Variants in TTPAL observed in about 807,000 individuals in gnomAD.
TTPAL encodes the protein alpha tocopherol transfer protein like, also known as alpha-tocopherol transfer protein-like.
In TTPAL, 21 loss-of-function variants were observed where a neutral mutation model predicts 28.7. That is an observed-to-expected ratio of 0.73 (90% CI 0.52 to 1.06). TTPAL has a LOEUF of 1.06. TTPAL is among the 50% of genes least tolerant of loss of function. The pLI is 0.00. For synonymous variants in TTPAL, 169 were observed against 171.9 expected (o/e 0.98, Z 0.13); for missense variants, 345 against 425.5 (o/e 0.81, Z 1.67).
At chr20:44,481,917 C>T (rs1196306086) in intron 2 of TTPAL, among the ~76,000 whole-genome samples, 1 of 152,204 alleles carries the variant, frequency 6.6e-6, no homozygotes, top group Non-Finnish European at 1.5e-5. Context: ...TGCTGCTCCT[C>T]TGTACTCAAC....
chr20:44,484,538 C>T lies in TTPAL; in HGVS notation c.639+8C>T. ...GTGATTGGCATCCTCCAGGTAAGAC[C>T]CGTATGTGTCCTGCCTGTTTCGTGG... On this transcript the variant is annotated splice_region_variant and intron_variant, in intron 3 of 4. Transcript: ENST00000262605. 2 of 1,544,178 alleles carry T rather than the reference C, an allele frequency of 1.3e-6. No individual in the cohort carries two copies. The highest frequency in any genetic ancestry group is 1.8e-6 in the Non-Finnish European group (2 of 1,128,524).
In TTPAL at chr20:44,492,491, T is replaced by G. The variant is rs1041568120; in HGVS notation, c.*2950T>G. On this transcript the variant is annotated 3_prime_UTR_variant, in exon 5 of 5. Transcript: ENST00000262605. ...AGCTGGCTTAACATCCCTGAGTGAT[T>G]CCATGATAGAGATCTATACTCCAAA... 1.3e-5 allele frequency: 2 copies of G among 152,262 alleles called. No individual in the cohort carries two copies. The highest frequency in any genetic ancestry group is 6.6e-5 in the Admixed American group (1 of 15,266). 9.4% of individuals were successfully genotyped at this position (152,262 alleles called of 1,614,324 possible).
chr20:44,479,244 A>G (rs949885924), intron 1 of TTPAL, among the ~76,000 whole-genome samples: 11 of 152,174 alleles, frequency 7.2e-5, no homozygotes, highest in Non-Finnish European at 1.5e-4. Context: ...ATATACAAGT[A>G]TATGTCCTAG....
intron 2 of TTPAL, among the ~76,000 whole-genome samples, chr20:44,481,381 C>CA (rs1477875861): frequency 6.6e-6 from 1 of 151,828 alleles, no homozygotes. Context: ...CTTGTCTCTA[C>CA]AAAAAATTTA....
In TTPAL at chr20:44,491,435, A is replaced by T. The variant is rs1444859600; in HGVS notation, c.*1894A>T. On this transcript the variant is annotated 3_prime_UTR_variant, in exon 5 of 5. Transcript: ENST00000262605. ...GACTAACCAGTCAAGCAGACAGCTC[A>T]GTTAGGGAGAAAACAATACTCTGAA... 2.6e-5 allele frequency: 4 copies of T among 152,432 alleles called. No homozygotes were observed. In the East Asian group the frequency reaches 7.5e-4, roughly 29 times the overall value. 9.4% of individuals were successfully genotyped at this position (152,432 alleles called of 1,614,324 possible). A position where few individuals can be genotyped will look rare whatever the true frequency, so the allele number is the denominator to read the frequency against.
In TTPAL at chr20:44,492,088, G is replaced by A. The variant is rs184422374; in HGVS notation, c.*2547G>A. The A allele has an allele frequency of 4.6e-5, 7 of 152,408 alleles. No homozygotes were observed. The highest frequency in any genetic ancestry group is 3.8e-4 in the East Asian group (2 of 5,328). 9.4% of individuals were successfully genotyped at this position (152,408 alleles called of 1,614,324 possible). On this transcript the variant is annotated 3_prime_UTR_variant, in exon 5 of 5. Coordinates refer to ENST00000262605, the MANE Select transcript of TTPAL (RefSeq NM_001039199.3). ...GAGCTGCTTGCTTTGTTTTGGCTCC[G>A]AAGAGGTATCAGATAGTTTTGACAC...
chr20:44,477,390 G>A (rs981685508), intron 1 of TTPAL, among the ~76,000 whole-genome samples: 1 of 152,272 alleles, frequency 6.6e-6, no homozygotes, highest in Admixed American at 6.5e-5. Flanking sequence ...TTCAGGTGAT[G>A]AACAAGACAA....
chr20:44,487,886 A>T (rs904318046), intron 4 of TTPAL, among the ~76,000 whole-genome samples: 3 of 152,232 alleles, frequency 2.0e-5, no homozygotes, highest in Non-Finnish European at 4.4e-5. Context: ...CTCCTGCCTC[A>T]GCCTCCCCAG....
At chr20:44,484,210 G>A (rs2064131447) in intron 2 of TTPAL, 127 bp from the exon 3 acceptor site, 2 of 615,212 alleles carry the variant, frequency 3.3e-6, no homozygotes, top group Non-Finnish European at 5.2e-6. Flanking sequence ...CTAAATAAGA[G>A]TCATGGCTAC....
intron 2 of TTPAL, 99 bp from the exon 3 acceptor site, chr20:44,484,238 C>T (rs1600790397): frequency 1.2e-6 from 1 of 835,314 alleles, no homozygotes. Context: ...TCTTTCTTTT[C>T]CATTTTGAAA....
At chr20:44,484,753 T>G (rs1332036671) in intron 3 of TTPAL, among the ~76,000 whole-genome samples, 2 of 152,154 alleles carry the variant, frequency 1.3e-5, no homozygotes, top group Non-Finnish European at 2.9e-5. Flanking sequence ...AAGACAAGAG[T>G]CCAAAAAACT....
At position 44,484,490 on chromosome 20, in the gene TTPAL, T is replaced by A; in HGVS notation, c.599T>A (p.Phe200Tyr). Residue 200 changes from phenylalanine (F) to tyrosine (Y), a missense_variant, in exon 3 of 5, where the codon TTT becomes TAT. By Grantham distance (22) the Phe-to-Tyr change is conservative. Coordinates refer to ENST00000262605, the MANE Select transcript of TTPAL (RefSeq NM_001039199.3). ...KGVSLSKASH[F>Y]GPFIAKKVIG... is the part of the protein sequence containing the mutation. ...GTGAGTTTATCAAAAGCATCTCACT[T>A]TGGCCCTTTTATAGCCAAAAAGGTG... 6.3e-7 allele frequency: 1 copy of A among 1,587,614 alleles called. No individual in the cohort carries two copies. The highest frequency in any genetic ancestry group is 8.6e-7 in the Non-Finnish European group (1 of 1,158,488).
At position 44,479,430 on chromosome 20, in the gene TTPAL, A is replaced by G. The variant is rs1281690899; in HGVS notation, c.-15-555A>G. 1.1e-4 allele frequency among the ~76,000 whole-genome samples: 5 copies of G among 44,706 alleles called. No homozygotes were observed. The Admixed American group carries it at 1.2e-3, about 11-fold the overall frequency. 29.3% of individuals were successfully genotyped at this position (44,706 alleles called of 152,430 possible). A position where few individuals can be genotyped will look rare whatever the true frequency, so the allele number is the denominator to read the frequency against. The stretch of plus-strand genomic sequence containing the variant: ...TTTTTTTTTTTTTTTTTTTTTTTTG[A>G]GAGTCTTGCTGTGGCTGGAGTGCAG... On this transcript the variant is annotated intron_variant, in intron 1 of 4. Transcript: ENST00000262605.
At chr20:44,476,133 G>A (rs1401946093) in intron 1 of TTPAL, 142 bp downstream of exon 1, 1 of 152,300 alleles carries the variant, frequency 6.6e-6, no homozygotes, top group Admixed American at 6.5e-5. Flanking sequence ...ACAGCCGGAA[G>A]TGGGGGCCTC....
chr20:44,484,886 G>C (rs2064138241), intron 3 of TTPAL, among the ~76,000 whole-genome samples: 1 of 152,228 alleles, frequency 6.6e-6, no homozygotes, highest in Admixed American at 6.5e-5. Flanking sequence ...GCCGAGGCAG[G>C]TGGATCACTT....
chr20:44,486,461 C>T (rs1344536820), intron 3 of TTPAL, 135 bp from the exon 4 acceptor site: 10 of 604,702 alleles, frequency 1.7e-5, no homozygotes, highest in East Asian at 2.8e-5. Flanking sequence ...TTAGGCCCCA[C>T]GTGGACTGTC....
Position 44,489,457 on chromosome 20 carries a change from G to C in TTPAL, c.945G>C (p.Thr315=). 1 of 1,614,188 alleles carries C rather than the reference G, an allele frequency of 6.2e-7. No homozygotes were observed. The highest frequency in any genetic ancestry group is 8.5e-7 in the Non-Finnish European group (1 of 1,180,040). ...CCTGTGACAGCATCCTGGGCCAGACGCTGCTGCCCGAGGGCCTGACCTCAG... is the reference window on the plus strand; with the variant it reads ...CCTGTGACAGCATCCTGGGCCAGACCCTGCTGCCCGAGGGCCTGACCTCAG... ...VPACDSILGQ[T]LLPEGLTSDA... is the part of the protein sequence containing the mutation. Residue 315 remains threonine (T), a synonymous_variant, in exon 5 of 5, where the codon ACG becomes ACC. Coordinates refer to ENST00000262605, the MANE Select transcript of TTPAL (RefSeq NM_001039199.3).
Position 44,492,815 on chromosome 20 carries a change from A to G in TTPAL, c.*3274A>G, listed in dbSNP as rs969598405. 6.6e-6 allele frequency: 1 copy of G among 152,310 alleles called. No homozygotes were observed. The highest frequency in any genetic ancestry group is 1.5e-5 in the Non-Finnish European group (1 of 68,036). 9.4% of individuals were successfully genotyped at this position (152,310 alleles called of 1,614,324 possible). ...CAGCCAAAAGTGCCACCCTGGCTTC[A>G]TGTCTTGAATTTCTAACTTGCTCTT... On this transcript the variant is annotated 3_prime_UTR_variant, in exon 5 of 5. Coordinates refer to ENST00000262605, the MANE Select transcript of TTPAL (RefSeq NM_001039199.3).
Position 44,480,529 on chromosome 20 carries a change from CCT to C in TTPAL, c.445+86_445+87del. Reference sequence around the variant, plus strand: ...AGCACCCTGTCCTCCTTTCCAAGTCCCTTTTTTACCCCTCCTTTGTTATAGTC... The same window carrying C: ...AGCACCCTGTCCTCCTTTCCAAGTCCTTTTTACCCCTCCTTTGTTATAGTC... On this transcript the variant is annotated intron_variant, in intron 2 of 4. Coordinates refer to ENST00000262605, the MANE Select transcript of TTPAL (RefSeq NM_001039199.3). This position sits in a 1 kb window ranked among gnomAD's most constrained non-coding sequence, Gnocchi z 4.1. 7.7e-7 allele frequency: 1 copy of C among 1,299,580 alleles called. No individual in the cohort carries two copies. Among genetic ancestry groups the C allele is most frequent in the Non-Finnish European group, 1.1e-6 (1 of 950,522 alleles). The allele number at this position is 1,299,580 out of a possible 1,614,324, so 80.5% of individuals were successfully genotyped here.
Sources: gnomAD v4.1 joint callset for allele counts (sites outside exome capture counted in the v4.1 genomes callset) on GRCh38, gnomAD v4.1.1 for gene constraint, Gnocchi (gnomAD v3.1) non-coding constraint, MANE v1.5 for transcripts, NCBI Gene and HGNC (gene_info 2026-07-23, HGNC 2026-07-21) for gene names.